Variants in TENM3 observed in about 807,000 individuals in gnomAD.
The protein encoded by TENM3 is teneurin transmembrane protein 3.
A neutral mutation model predicts 255.1 loss-of-function variants in TENM3; 63 were observed. The ratio of observed to expected loss-of-function variants is 0.25; its 90% CI spans 0.20 to 0.30. The LOEUF (loss-of-function observed/expected upper bound fraction) is 0.30. Ranked by LOEUF, TENM3 falls within the 10% of genes least tolerant of loss-of-function variation. The pLI is 1.00. For synonymous variants in TENM3, 1,306 were observed against 1,322.3 expected, an observed-to-expected ratio of 0.99 and a Z score of 0.27; for missense variants, 2,929 against 3,461.1, an observed-to-expected ratio of 0.85 and a Z score of 3.86.
At chr4:182,703,714 G>A (rs1758066305) in intron 12 of TENM3, among the ~76,000 whole-genome samples, 1 of 152,130 alleles carries the variant, frequency 6.6e-6, no homozygotes, top group Non-Finnish European at 1.5e-5. Context: ...GGATTGTTCA[G>A]TTTTGTTTAT....
At chr4:181,766,098 T>G in the TENM3 span, among the ~76,000 whole-genome samples, 1 of 152,230 alleles carries the variant, frequency 6.6e-6, no homozygotes, top group East Asian at 1.9e-4. Context: ...TCTCTGCATG[T>G]TTGGGAGCCC....
chr4:182,699,683 T>A (rs537574877), intron 12 of TENM3, among the ~76,000 whole-genome samples: 2 of 152,328 alleles, frequency 1.3e-5, no homozygotes, highest in East Asian at 3.9e-4. Context: ...TTAAAAAGTT[T>A]ATTGAGAGAC....
intron 1 of TENM3, among the ~76,000 whole-genome samples, chr4:182,228,740 T>G (rs2150002698): frequency 6.6e-6 from 1 of 152,296 alleles, no homozygotes; most frequent in African/African-American, 2.4e-5. Context: ...ATCAAGCTTT[T>G]GAGGGACAGG....
At chr4:181,789,706 G>T in the TENM3 span, among the ~76,000 whole-genome samples, 1 of 152,104 alleles carries the variant, frequency 6.6e-6, no homozygotes, top group African/African-American at 2.4e-5. Context: ...GAGATGCAGG[G>T]TCAGGGCTGG....
At chr4:181,468,134 A>C in the TENM3 span, among the ~76,000 whole-genome samples, 1 of 147,518 alleles carries the variant, frequency 6.8e-6, no homozygotes, top group East Asian at 2.3e-4. Flanking sequence ...CATCTGTACA[A>C]AAAAAAAAAA....
intron 3 of TENM3, among the ~76,000 whole-genome samples, chr4:182,556,632 T>A (rs930650478): frequency 3.9e-5 from 6 of 152,178 alleles, no homozygotes; most frequent in Non-Finnish European, 7.3e-5. Flanking sequence ...AGTGACCAAT[T>A]TACAAGTGTC....
intron 3 of TENM3, among the ~76,000 whole-genome samples, chr4:182,523,689 A>C (rs1038443427): frequency 6.6e-6 from 1 of 152,176 alleles, no homozygotes; most frequent in African/African-American, 2.4e-5. Flanking sequence ...TGTTAGTGAC[A>C]GTATAGGTTC....
the TENM3 span, among the ~76,000 whole-genome samples, chr4:182,068,966 TCC>T: frequency 6.6e-6 from 1 of 151,988 alleles, no homozygotes; most frequent in Non-Finnish European, 1.5e-5. Flanking sequence ...TAGAGAAGCT[TCC>T]ACATGGAAAA....
At chr4:181,714,465 A>G in the TENM3 span, among the ~76,000 whole-genome samples, 1 of 152,172 alleles carries the variant, frequency 6.6e-6, no homozygotes, top group African/African-American at 2.4e-5. Context: ...AGAAAGAAAG[A>G]CAGAAAAAGA....
chr4:182,787,904 T>C (rs1003605508), intron 24 of TENM3, among the ~76,000 whole-genome samples: 4 of 152,064 alleles, frequency 2.6e-5, no homozygotes, highest in Admixed American at 6.6e-5. Context: ...GAACAGCCAA[T>C]AGGAAAAGTT....
intron 3 of TENM3, among the ~76,000 whole-genome samples, chr4:182,489,452 A>G (rs1180844640): frequency 1.3e-5 from 2 of 152,154 alleles, no homozygotes; most frequent in Non-Finnish European, 2.9e-5. Flanking sequence ...TTAGTAGTAA[A>G]TTAAATATTC....
At chr4:182,755,802 T>C (rs926620181) in intron 22 of TENM3, among the ~76,000 whole-genome samples, 2 of 151,818 alleles carry the variant, frequency 1.3e-5, no homozygotes, top group Admixed American at 6.6e-5. Context: ...ATCGCGCCAC[T>C]GCACTCCAGT....
chr4:182,301,608 G>A (rs1039982275), intron 1 of TENM3, among the ~76,000 whole-genome samples: 2 of 152,144 alleles, frequency 1.3e-5, no homozygotes, highest in Non-Finnish European at 2.9e-5. Context: ...CCACTCCTAG[G>A]TGCGTCAGAG....
At chr4:181,797,308 A>G in the TENM3 span, among the ~76,000 whole-genome samples, 1 of 152,080 alleles carries the variant, frequency 6.6e-6, no homozygotes, top group African/African-American at 2.4e-5. Flanking sequence ...AAAAGGGCCA[A>G]TACATAATGG....
chr4:182,080,926 G>A, the TENM3 span, among the ~76,000 whole-genome samples: 13 of 152,032 alleles, frequency 8.6e-5, no homozygotes, highest in Admixed American at 7.2e-4. Flanking sequence ...CGGGTGTCAG[G>A]GCCTCAGTGA....
chr4:182,512,689 G>A (rs796556015), intron 3 of TENM3, among the ~76,000 whole-genome samples: 70 of 152,240 alleles, frequency 4.6e-4, no homozygotes, highest in African/African-American at 1.6e-3. Context: ...AGCATATTGG[G>A]AGTGATATCC....
intron 4 of TENM3, among the ~76,000 whole-genome samples, chr4:182,619,365 T>C (rs1022393978): frequency 6.6e-6 from 1 of 151,098 alleles, no homozygotes; most frequent in Non-Finnish European, 1.5e-5. Context: ...TGGGAGGCAG[T>C]GGTTGCGGTG....
Position 182,332,708 on chromosome 4 carries a change from G to GA in TENM3, c.232+8469dup, listed in dbSNP as rs112751092. ...GACTCCATCTCAAAAAAAGAAAAAA[G>GA]AAAAAAAAAAAAAGACAAGAAATGA... On this transcript the variant is annotated intron_variant, in intron 2 of 27. Coordinates refer to ENST00000511685, the MANE Select transcript of TENM3 (RefSeq NM_001080477.4). Among the ~76,000 whole-genome samples the GA allele has an allele frequency of 3.1e-3, 310 of 100,086 alleles. 3 individuals are homozygous for GA. The highest frequency in any genetic ancestry group is 0.025 in the East Asian group (86 of 3,498). The allele number at this position is 100,086 out of a possible 152,430, so 65.7% of individuals were successfully genotyped here.
At chr4:182,745,174 A>C (rs1006108225) in intron 19 of TENM3, among the ~76,000 whole-genome samples, 1 of 152,248 alleles carries the variant, frequency 6.6e-6, no homozygotes, top group Admixed American at 6.5e-5. Flanking sequence ...AACAAAAACC[A>C]AAGTTCTACT....
Sources: gnomAD v4.1 joint callset for allele counts (sites outside exome capture counted in the v4.1 genomes callset) on GRCh38, gnomAD v4.1.1 for gene constraint, MANE v1.5 for transcripts, NCBI Gene and HGNC (gene_info 2026-07-23, HGNC 2026-07-21) for gene names.